Variants in PRR16 observed in about 807,000 individuals in gnomAD.
The protein encoded by PRR16 is proline rich 16, also known as protein Largen.
In PRR16, 6 loss-of-function variants were observed where a neutral mutation model predicts 18.2. That is an observed-to-expected ratio of 0.33 (90% CI 0.18 to 0.65). PRR16 has a LOEUF of 0.65. Among genes scored for constraint, PRR16 ranks in the 30% least tolerant of loss-of-function variants. The pLI, the probability that PRR16 is intolerant of heterozygous loss-of-function variation, is 0.74. For synonymous variants in PRR16, 151 were observed against 147.8 expected, an observed-to-expected ratio of 1.02 and a Z score of -0.16; for missense variants, 412 against 376.6, an observed-to-expected ratio of 1.09 and a Z score of -0.78.
intron 1 of PRR16, among the ~76,000 whole-genome samples, chr5:120,609,808 G>T (rs1754277806): frequency 6.6e-6 from 1 of 152,204 alleles, no homozygotes; most frequent in South Asian, 2.1e-4. Flanking sequence ...ACTGTTTCTG[G>T]AATAATAATA....
chr5:120,516,658 GT>G (rs1299352724), intron 1 of PRR16, among the ~76,000 whole-genome samples: 1 of 152,054 alleles, frequency 6.6e-6, no homozygotes, highest in Non-Finnish European at 1.5e-5. Context: ...TAAAAACGTG[GT>G]TATGTCAGGC....
the PRR16 span, among the ~76,000 whole-genome samples, chr5:120,697,913 AG>A: frequency 6.6e-6 from 1 of 152,244 alleles, no homozygotes; most frequent in Middle Eastern, 3.4e-3. Flanking sequence ...GAATGTCATC[AG>A]TTAAGGTGGG....
intron 1 of PRR16, among the ~76,000 whole-genome samples, chr5:120,569,663 C>T (rs937062685): frequency 3.3e-5 from 5 of 152,022 alleles, no homozygotes; most frequent in African/African-American, 1.2e-4. Context: ...AAAGAAGCAG[C>T]AGAAAAATGC....
At chr5:120,630,502 G>A (rs1479913589) in intron 1 of PRR16, among the ~76,000 whole-genome samples, 3 of 152,088 alleles carry the variant, frequency 2.0e-5, no homozygotes, top group Non-Finnish European at 4.4e-5. Context: ...GGAGATGATT[G>A]CCAAGATGTA....
At chr5:120,792,976 A>AC in the PRR16 span, among the ~76,000 whole-genome samples, 1,610 of 152,212 alleles carry the variant, frequency 0.011, 22 homozygotes, top group Non-Finnish European at 0.015. Flanking sequence ...AACATGGTGA[A>AC]ATCCTGTCTC....
At chr5:120,793,650 G>C in the PRR16 span, among the ~76,000 whole-genome samples, 1 of 152,062 alleles carries the variant, frequency 6.6e-6, no homozygotes, top group South Asian at 2.1e-4. Flanking sequence ...ACAATATAAA[G>C]AATAAAACAG....
chr5:120,722,892 T>A, the PRR16 span, among the ~76,000 whole-genome samples: 1 of 151,504 alleles, frequency 6.6e-6, no homozygotes, highest in Non-Finnish European at 1.5e-5. Flanking sequence ...GACATATATA[T>A]AATATATATA....
the PRR16 span, among the ~76,000 whole-genome samples, chr5:120,749,587 T>C: frequency 2.2e-3 from 341 of 152,312 alleles, 5 homozygotes; most frequent in Non-Finnish European, 1.7e-3. Flanking sequence ...CTATGTGCTA[T>C]TCTCAATAGG....
chr5:120,712,097 CAT>C, the PRR16 span, among the ~76,000 whole-genome samples: 31 of 152,144 alleles, frequency 2.0e-4, no homozygotes, highest in African/African-American at 7.2e-4. Context: ...CTTTTTTTAT[CAT>C]ATAAGTTTGA....
the PRR16 span, among the ~76,000 whole-genome samples, chr5:120,716,993 G>C: frequency 7.2e-5 from 11 of 152,274 alleles, no homozygotes; most frequent in African/African-American, 2.6e-4. Context: ...CAATGTGCTG[G>C]TACAGGTTAG....
the PRR16 span, among the ~76,000 whole-genome samples, chr5:120,762,442 ATTTGCATT>A: frequency 6.6e-6 from 1 of 152,052 alleles, no homozygotes; most frequent in Middle Eastern, 3.4e-3. Flanking sequence ...TGTAGTTTTG[ATTTGCATT>A]TTTGCATTTC....
At chr5:120,485,853 T>C (rs1464529976) in intron 1 of PRR16, among the ~76,000 whole-genome samples, 1 of 152,090 alleles carries the variant, frequency 6.6e-6, no homozygotes, top group African/African-American at 2.4e-5. Context: ...CCTGTGTCCA[T>C]GTGTTCTCAT....
intron 1 of PRR16, among the ~76,000 whole-genome samples, chr5:120,603,149 T>TC (rs1480833951): frequency 6.6e-6 from 1 of 152,092 alleles, no homozygotes; most frequent in African/African-American, 2.4e-5. Flanking sequence ...AACCAACTCT[T>TC]CCTTGCCTGT....
chr5:120,772,298 A>T, the PRR16 span, among the ~76,000 whole-genome samples: 2 of 151,982 alleles, frequency 1.3e-5, no homozygotes, highest in Non-Finnish European at 2.9e-5. Context: ...TCCTCACTCA[A>T]ACTCCAAAAC....
intron 1 of PRR16, among the ~76,000 whole-genome samples, chr5:120,671,813 C>T (rs572111145): frequency 2.6e-5 from 4 of 151,912 alleles, no homozygotes; most frequent in Admixed American, 2.6e-4. Context: ...TGTGTGTGTA[C>T]ATATATATGT....
At chr5:120,781,744 GT>G in the PRR16 span, among the ~76,000 whole-genome samples, 2 of 152,058 alleles carry the variant, frequency 1.3e-5, no homozygotes, top group Admixed American at 6.6e-5. Flanking sequence ...AATAAAAGCA[GT>G]TTTTTTCTTG....
intron 1 of PRR16, among the ~76,000 whole-genome samples, chr5:120,666,626 A>G (rs936538442): frequency 6.6e-6 from 1 of 152,114 alleles, no homozygotes; most frequent in African/African-American, 2.4e-5. Context: ...ATTTTGAGCT[A>G]TGTCCCATCA....
chr5:120,474,589 C>CTT (rs151199683), intron 1 of PRR16, among the ~76,000 whole-genome samples: 10,805 of 150,210 alleles, frequency 0.072, 515 homozygotes, highest in Middle Eastern at 0.19. Flanking sequence ...TATTTGCTAT[C>CTT]TTTTTTTTAA....
At chr5:120,594,626 C>G (rs955453108) in intron 1 of PRR16, among the ~76,000 whole-genome samples, 3 of 152,056 alleles carry the variant, frequency 2.0e-5, no homozygotes, top group South Asian at 2.1e-4. Flanking sequence ...TCATAAAGAA[C>G]AGAGCAAGAG....
Sources: gnomAD v4.1 joint callset for allele counts (sites outside exome capture counted in the v4.1 genomes callset) on GRCh38, gnomAD v4.1.1 for gene constraint, MANE v1.5 for transcripts, NCBI Gene and HGNC (gene_info 2026-07-23, HGNC 2026-07-21) for gene names.